Variants in SNRPF observed in about 807,000 individuals in gnomAD.
SNRPF encodes the protein small nuclear ribonucleoprotein polypeptide F.
In SNRPF, 1 loss-of-function variant was observed where a neutral mutation model predicts 13.4. That is an observed-to-expected ratio of 0.07 (90% CI 0.03 to 0.35). SNRPF has a LOEUF of 0.35. Among genes scored for constraint, SNRPF ranks in the 10% least tolerant of loss-of-function variants. The pLI is 0.99. For synonymous variants in SNRPF, 27 were observed against 32.1 expected (o/e 0.84, Z 0.54); for missense variants, 53 against 101.0 (o/e 0.52, Z 2.04).
chr12:95,859,380 C>T (rs959258036), intron 1 of SNRPF, among the ~76,000 whole-genome samples: 5 of 152,188 alleles, frequency 3.3e-5, no homozygotes, highest in African/African-American at 7.2e-5. Context: ...CACTTAACCA[C>T]ACTCCAGAAT....
chr12:95,865,354 G>A lies in SNRPF; in HGVS notation c.160G>A (p.Ala54Thr), dbSNP rs1466996562. ...LANTEEYIDG[A>T]LSGHLGEVLI... ...AAATACAGAAGAATACATAGATGGA[G>A]CTTTGTCTGGACATCTGGGTGAAGT... is the stretch of plus-strand genomic sequence containing the variant. Residue 54 changes from alanine to threonine, a missense_variant, in exon 3 of 4, where the codon GCT becomes ACT. Physicochemically the swap from Ala to Thr is moderately conservative, Grantham distance 58. Coordinates refer to ENST00000266735, the MANE Select transcript of SNRPF (RefSeq NM_003095.5). 1 of 1,569,300 alleles carries A rather than the reference G, an allele frequency of 6.4e-7. No individual in the cohort carries two copies. Among genetic ancestry groups the A allele is most frequent in the Non-Finnish European group, 8.8e-7 (1 of 1,140,642 alleles).
At chr12:95,865,877 TAAA>T in intron 3 of SNRPF, 125 bp from the exon 4 acceptor site, 2 of 399,108 alleles carry the variant, frequency 5.0e-6, no homozygotes, top group African/African-American at 4.2e-5. Context: ...TGAATATATT[TAAA>T]AAATTTTTTT....
At chr12:95,861,393 T>C (rs1227154528) in intron 2 of SNRPF, 100 bp downstream of exon 2, 11 of 1,150,350 alleles carry the variant, frequency 9.6e-6, no homozygotes, top group South Asian at 1.4e-5. Flanking sequence ...TACAATTAAA[T>C]TGACAAATAT....
At chr12:95,865,002 A>G (rs148975181) in intron 2 of SNRPF, 1,956 of 176,398 alleles carry the variant, frequency 0.011, 23 homozygotes, top group South Asian at 0.018. Flanking sequence ...TCGTATACCT[A>G]TTTGGACACC....
In SNRPF at chr12:95,861,048, A is replaced by T. The variant is rs2079493381; in HGVS notation, c.4-120A>T. 3.8e-6 allele frequency: 3 copies of T among 790,790 alleles called. No homozygotes were observed. The Admixed American group carries it at 9.1e-5, about 24-fold the overall frequency. 49.0% of individuals were successfully genotyped at this position (790,790 alleles called of 1,614,324 possible). On this transcript the variant is annotated intron_variant, in intron 1 of 3. Coordinates refer to ENST00000266735, the MANE Select transcript of SNRPF (RefSeq NM_003095.5). ...ATAAAAGTGAAAATTATGTACTAAA[A>T]TAATAAGGAGTCAAAAGTTTTCTTC...
In SNRPF at chr12:95,858,961, G is replaced by T; in HGVS notation, c.-113G>T. The T allele has an allele frequency of 6.7e-7, 1 of 1,498,064 alleles. No homozygotes were observed. Among genetic ancestry groups the T allele is most frequent in the Non-Finnish European group, 9.1e-7 (1 of 1,093,568 alleles). The allele number at this position is 1,498,064 out of a possible 1,614,324, so 92.8% of individuals were successfully genotyped here. A position where few individuals can be genotyped will look rare whatever the true frequency, so the allele number is the denominator to read the frequency against. ...GTGAAAGGTCATAGTCCTGTTTGGC[G>T]GCCATTTCTCTTGAAACTGCGGCTC... On this transcript the variant is annotated 5_prime_UTR_variant, in exon 1 of 4. Transcript: ENST00000266735.
At chr12:95,864,489 A>G (rs553437028) in intron 2 of SNRPF, among the ~76,000 whole-genome samples, 13 of 152,270 alleles carry the variant, frequency 8.5e-5, no homozygotes, top group Non-Finnish European at 1.9e-4. Flanking sequence ...ATTCATAATA[A>G]TACCATAAGG....
intron 1 of SNRPF, among the ~76,000 whole-genome samples, chr12:95,860,318 C>G (rs1476631442): frequency 6.6e-6 from 1 of 152,212 alleles, no homozygotes; most frequent in African/African-American, 2.4e-5. Flanking sequence ...TCACTCTTCC[C>G]TCCTTTTACA....
intron 2 of SNRPF, among the ~76,000 whole-genome samples, chr12:95,862,899 C>G (rs1489952876): frequency 6.6e-6 from 1 of 152,110 alleles, no homozygotes; most frequent in Non-Finnish European, 1.5e-5. Flanking sequence ...TTGCATTTGG[C>G]TAATGATGTT....
chr12:95,861,128 G>A, intron 1 of SNRPF, 40 bp from the exon 2 acceptor site: 1 of 1,572,306 alleles, frequency 6.4e-7, no homozygotes, highest in South Asian at 1.2e-5. Flanking sequence ...GTGGTGGGAG[G>A]AAAAATAATT....
intron 2 of SNRPF, chr12:95,861,806 A>T (rs7137751): frequency 0.79 from 121,295 of 153,062 alleles, 48,575 homozygotes; most frequent in African/African-American, 0.87. Context: ...GTAATTAATT[A>T]TCTTTTTATT....
chr12:95,859,039 C>T lies in SNRPF; in HGVS notation c.-35C>T. 6.2e-7 allele frequency: 1 copy of T among 1,611,666 alleles called. No individual in the cohort carries two copies. The highest frequency in any genetic ancestry group is 2.2e-5 in the East Asian group (1 of 44,768). On this transcript the variant is annotated 5_prime_UTR_variant, in exon 1 of 4. Transcript: ENST00000266735. The stretch of plus-strand genomic sequence containing the variant: ...GAGGGACGGGCGGCGGCCTGGTCGG[C>T]AGAGAGTAGCCTGCAACATTCGGCC...
At chr12:95,862,702 T>A (rs1185446229) in intron 2 of SNRPF, among the ~76,000 whole-genome samples, 1 of 148,640 alleles carries the variant, frequency 6.7e-6, no homozygotes, top group East Asian at 2.0e-4. Context: ...GACAGAGAAA[T>A]TTTTTTTTTT....
At chr12:95,863,124 A>C (rs1331954441) in intron 2 of SNRPF, among the ~76,000 whole-genome samples, 1 of 152,176 alleles carries the variant, frequency 6.6e-6, no homozygotes, top group Non-Finnish European at 1.5e-5. Context: ...TAAAAGGAGT[A>C]CTTAAGTAGG....
intron 2 of SNRPF, chr12:95,861,557 G>A (rs112373020): frequency 2.4e-4 from 61 of 257,022 alleles, no homozygotes; most frequent in African/African-American, 1.4e-3. Context: ...AATACCATAA[G>A]GGAAACACAC....
At chr12:95,865,132 C>A in intron 2 of SNRPF, 192 bp from the exon 3 acceptor site, 1 of 378,946 alleles carries the variant, frequency 2.6e-6, no homozygotes, top group South Asian at 7.5e-5. Context: ...ATATTAATTT[C>A]GTTGAAGGTT....
intron 2 of SNRPF, 35 bp from the exon 3 acceptor site, chr12:95,865,289 T>A (rs1462145871): frequency 5.7e-6 from 6 of 1,060,900 alleles, no homozygotes; most frequent in Non-Finnish European, 8.8e-6. Flanking sequence ...TTTCCTCCTG[T>A]GTGATTATAC....
At chr12:95,861,426 T>G (rs1271783588) in intron 2 of SNRPF, 133 bp downstream of exon 2, 2 of 781,704 alleles carry the variant, frequency 2.6e-6, no homozygotes, top group African/African-American at 3.6e-5. Context: ...AAAAATAAAG[T>G]CAAAGCCAGG....
At position 95,859,039 on chromosome 12, in the gene SNRPF, CAG is replaced by C. The variant is rs1390253567; in HGVS notation, c.-30_-29del. ...GAGGGACGGGCGGCGGCCTGGTCGGCAGAGAGTAGCCTGCAACATTCGGCCGT... is the reference window on the plus strand; with the variant it reads ...GAGGGACGGGCGGCGGCCTGGTCGGCAGAGTAGCCTGCAACATTCGGCCGT... On this transcript the variant is annotated 5_prime_UTR_variant, in exon 1 of 4. Transcript: ENST00000266735. The C allele has an allele frequency of 3.7e-6, 6 of 1,611,548 alleles. No homozygotes were observed. The highest frequency in any genetic ancestry group is 2.2e-5 in the East Asian group (1 of 44,780).
Sources: allele counts gnomAD v4.1 joint callset (sites outside exome capture counted in the v4.1 genomes callset), GRCh38; gene constraint gnomAD v4.1.1; transcripts MANE v1.5; gene names NCBI Gene and HGNC (gene_info 2026-07-23, HGNC 2026-07-21).